Variants in NLK observed in about 807,000 individuals in gnomAD.
The protein encoded by NLK is nemo like kinase, also known as serine/threonine-protein kinase NLK.
Under a neutral mutation model 59.0 loss-of-function variants are expected in NLK, and 11 were observed. The observed-to-expected ratio is 0.19, with a 90% CI of 0.12 to 0.31. The LOEUF is 0.31. NLK is among the 10% of genes least tolerant of loss of function. The probability of loss-of-function intolerance (pLI) is 1.00; values close to 1 mark genes in which losing one functional copy is unlikely to be tolerated. For missense variants in NLK, 410 were observed against 661.1 expected (o/e 0.62, Z 4.16); for synonymous variants, 235 against 235.9 (o/e 1.00, Z 0.03).
intron 1 of NLK, among the ~76,000 whole-genome samples, chr17:28,106,949 A>G (rs1278986042): frequency 6.6e-6 from 1 of 152,218 alleles, no homozygotes; most frequent in Non-Finnish European, 1.5e-5. Context: ...ACAGAGTAAG[A>G]TAGACAAAAT....
Position 28,043,027 on chromosome 17 carries a change from C to G in NLK, c.154C>G (p.His52Asp), listed in dbSNP as rs1908916627. 6.4e-7 allele frequency: 1 copy of G among 1,556,244 alleles called. No homozygotes were observed. The highest frequency in any genetic ancestry group is 8.7e-7 in the Non-Finnish European group (1 of 1,149,302). ...HLHHHHHPQHHLHPGSAAAVH... is the reference protein window; with the variant it reads ...HLHHHHHPQHDLHPGSAAAVH... ...GCACCACCACCACCACCCTCAACAC[C>G]ATCTTCATCCGGGGTCGGCTGCCGC... Residue 52 changes from histidine to aspartate, a missense_variant, in exon 1 of 11, where the codon CAT becomes GAT. By Grantham distance (81) the His-to-Asp change is moderately conservative. Coordinates refer to ENST00000407008, the MANE Select transcript of NLK (RefSeq NM_016231.5).
chr17:28,077,073 C>CTTTTTTTTTTTTTTTTTTTTTTTT lies in NLK; in HGVS notation c.458+33744_458+33767dup, dbSNP rs35639099. Reference sequence around the variant, plus strand: ...CTTTGCTTTGTACTTCTCTTTCTTTCTTTTTTTTTTTTTTTTTTTTTTTTT... The same window carrying CTTTTTTTTTTTTTTTTTTTTTTTT: ...CTTTGCTTTGTACTTCTCTTTCTTTCTTTTTTTTTTTTTTTTTTTTTTTTTTTTTTTTTTTTTTTTTTTTTTTTT... On this transcript the variant is annotated intron_variant, in intron 1 of 10. Coordinates refer to ENST00000407008, the MANE Select transcript of NLK (RefSeq NM_016231.5). Among the ~76,000 whole-genome samples the CTTTTTTTTTTTTTTTTTTTTTTTT allele has an allele frequency of 6.4e-4, 27 of 42,492 alleles. 1 individual carries two copies. Among genetic ancestry groups the CTTTTTTTTTTTTTTTTTTTTTTTT allele is most frequent in the Admixed American group, 8.2e-4 (3 of 3,642 alleles). 27.9% of individuals were successfully genotyped at this position (42,492 alleles called of 152,430 possible).
At chr17:28,064,174 CTTTTTTTTTTTT>C (rs66949112) in intron 1 of NLK, among the ~76,000 whole-genome samples, 2 of 99,608 alleles carry the variant, frequency 2.0e-5, no homozygotes, top group African/African-American at 7.7e-5. Flanking sequence ...AGTTAGCAAA[CTTTTTTTTTTTT>C]TTTTTTTTTT....
chr17:28,073,793 T>C (rs992416469), intron 1 of NLK, among the ~76,000 whole-genome samples: 1 of 152,206 alleles, frequency 6.6e-6, no homozygotes, highest in Non-Finnish European at 1.5e-5. Context: ...GTAGAATGAA[T>C]TACTCTTTTA....
intron 6 of NLK, among the ~76,000 whole-genome samples, chr17:28,169,156 G>T (rs866220504): frequency 6.6e-6 from 1 of 152,206 alleles, no homozygotes; most frequent in Admixed American, 6.5e-5. Context: ...AAAGTGCTGG[G>T]ATTACAGGCA....
At chr17:28,186,804 G>T (rs998751842) in intron 8 of NLK, among the ~76,000 whole-genome samples, 1 of 152,174 alleles carries the variant, frequency 6.6e-6, no homozygotes, top group East Asian at 1.9e-4. Flanking sequence ...TGAGATTTGG[G>T]TGGGGACACA....
intron 10 of NLK, 83 bp downstream of exon 10, chr17:28,192,296 T>G: frequency 1.3e-6 from 1 of 761,542 alleles, no homozygotes; most frequent in Non-Finnish European, 2.2e-6. Flanking sequence ...TATTTGTTTT[T>G]ATTTAGATAA....
At chr17:28,051,524 A>G (rs1300707669) in intron 1 of NLK, among the ~76,000 whole-genome samples, 1 of 151,796 alleles carries the variant, frequency 6.6e-6, no homozygotes, top group African/African-American at 2.4e-5. Context: ...ACACCCGCCT[A>G]ATTTTTGTAT....
rs1384041358 is a variant in NLK, at chr17:28,168,663, A to G, written c.1047+6A>G. 2 of 1,609,248 alleles carry G rather than the reference A, an allele frequency of 1.2e-6. No homozygotes were observed. The highest frequency in any genetic ancestry group is 1.7e-6 in the Non-Finnish European group (2 of 1,175,782). ...CACAGAGTCCCATTCAGCAGGTATGATTTCAATTTAAGGCTTTAGTTGCAA... is the reference window on the plus strand; with the variant it reads ...CACAGAGTCCCATTCAGCAGGTATGGTTTCAATTTAAGGCTTTAGTTGCAA... On this transcript the variant is annotated splice_donor_region_variant and intron_variant, in intron 6 of 10. Transcript: ENST00000407008.
At chr17:28,183,793 A>C (rs1199760799) in intron 7 of NLK, among the ~76,000 whole-genome samples, 1 of 152,190 alleles carries the variant, frequency 6.6e-6, no homozygotes, top group Non-Finnish European at 1.5e-5. Flanking sequence ...AAGTGGTATG[A>C]AAGTCAAGCC....
Position 28,194,715 on chromosome 17 carries a change from C to T in NLK, c.*79C>T. 1.1e-6 allele frequency: 1 copy of T among 870,458 alleles called. No homozygotes were observed. 53.9% of individuals were successfully genotyped at this position (870,458 alleles called of 1,614,324 possible). On this transcript the variant is annotated 3_prime_UTR_variant, in exon 11 of 11. Transcript: ENST00000407008. Reference sequence around the variant, plus strand: ...GGGATTTGCAATTCTGGAGGTTAATCATGCTTGTACTGTAATTTTACTAAT... The same window carrying T: ...GGGATTTGCAATTCTGGAGGTTAATTATGCTTGTACTGTAATTTTACTAAT...
At chr17:28,087,510 G>A (rs150484980) in intron 1 of NLK, among the ~76,000 whole-genome samples, 6 of 152,196 alleles carry the variant, frequency 3.9e-5, no homozygotes, top group East Asian at 3.9e-4. Context: ...TCATTATCTC[G>A]CCAATGGGAA....
Position 28,194,700 on chromosome 17 carries a change from A to G in NLK, c.*64A>G, listed in dbSNP as rs1909423754. 9 of 1,182,098 alleles carry G rather than the reference A, an allele frequency of 7.6e-6. 1 individual carries two copies. The highest frequency in any genetic ancestry group is 4.0e-4 in the Middle Eastern group (2 of 5,006). The allele number at this position is 1,182,098 out of a possible 1,614,324, so 73.2% of individuals were successfully genotyped here. A position where few individuals can be genotyped will look rare whatever the true frequency, so the allele number is the denominator to read the frequency against. ...TTTCCACTGGAGTCTGGGATTTGCA[A>G]TTCTGGAGGTTAATCATGCTTGTAC... On this transcript the variant is annotated 3_prime_UTR_variant, in exon 11 of 11. Coordinates refer to ENST00000407008, the MANE Select transcript of NLK (RefSeq NM_016231.5).
chr17:28,160,224 G>A (rs574648009), intron 3 of NLK, among the ~76,000 whole-genome samples: 129 of 152,172 alleles, frequency 8.5e-4, no homozygotes, highest in Admixed American at 2.0e-3. Context: ...AGACTAAAGC[G>A]ATTTGGAAAA....
chr17:28,192,220 A>G lies in NLK; in HGVS notation c.1529+7A>G, dbSNP rs534239306. 273 of 1,417,270 alleles carry G rather than the reference A, an allele frequency of 1.9e-4. No homozygotes were observed. The South Asian group carries it at 2.9e-3, about 15-fold the overall frequency. The allele number at this position is 1,417,270 out of a possible 1,614,324, so 87.8% of individuals were successfully genotyped here. On this transcript the variant is annotated splice_region_variant and intron_variant, in intron 10 of 10. Coordinates refer to ENST00000407008, the MANE Select transcript of NLK (RefSeq NM_016231.5). ...CTTTTAAGAGCTTTATTAGGTAACT[A>G]TATGTATGTAATTCAACATTCTTGT...
At chr17:28,105,548 A>T (rs745771910) in intron 1 of NLK, among the ~76,000 whole-genome samples, 1 of 152,174 alleles carries the variant, frequency 6.6e-6, no homozygotes, top group Non-Finnish European at 1.5e-5. Flanking sequence ...GAAAATATGG[A>T]TTCTTTTTCA....
intron 4 of NLK, among the ~76,000 whole-genome samples, chr17:28,163,140 G>A (rs1908083667): frequency 6.6e-6 from 1 of 152,206 alleles, no homozygotes; most frequent in Non-Finnish European, 1.5e-5. Flanking sequence ...TCTGTCCTGG[G>A]AAAGGCTCCC....
the NLK span, among the ~76,000 whole-genome samples, chr17:28,203,647 C>G: frequency 6.6e-6 from 1 of 152,190 alleles, no homozygotes; most frequent in African/African-American, 2.4e-5. Flanking sequence ...AGTGACTCTC[C>G]TACCTCACTC....
At chr17:28,111,758 T>C (rs1488275097) in intron 1 of NLK, among the ~76,000 whole-genome samples, 1 of 152,116 alleles carries the variant, frequency 6.6e-6, no homozygotes, top group African/African-American at 2.4e-5. Flanking sequence ...TTTTTTAATT[T>C]TTAGCCTAGC....
Sources: gnomAD v4.1 joint callset for allele counts (sites outside exome capture counted in the v4.1 genomes callset) on GRCh38, gnomAD v4.1.1 for gene constraint, MANE v1.5 for transcripts, NCBI Gene and HGNC (gene_info 2026-07-23, HGNC 2026-07-21) for gene names.